The following PCDH9 variants were observed in gnomAD, a reference collection of about 807,000 sequenced individuals.
PCDH9 encodes protocadherin 9, also known as protocadherin-9.
In PCDH9, 24 loss-of-function variants were observed where a neutral mutation model predicts 70.6. The observed-to-expected ratio is 0.34, with a 90% CI of 0.25 to 0.48. The LOEUF (loss-of-function observed/expected upper bound fraction) is 0.48. Ranked by LOEUF, PCDH9 falls within the 20% of genes least tolerant of loss-of-function variation. PCDH9 has a pLI of 0.99. For synonymous variants in PCDH9, 562 were observed against 558.5 expected, an observed-to-expected ratio of 1.01 and a Z score of -0.09; for missense variants, 1,281 against 1,503.6, an observed-to-expected ratio of 0.85 and a Z score of 2.45.
At chr13:66,907,678 CAA>C (rs947258710) in intron 2 of PCDH9, among the ~76,000 whole-genome samples, 3 of 152,140 alleles carry the variant, frequency 2.0e-5, no homozygotes, top group African/African-American at 7.2e-5. Context: ...GCAAGAACAA[CAA>C]AAGTTTTATG....
At chr13:66,320,500 A>C (rs181834568) in intron 4 of PCDH9, among the ~76,000 whole-genome samples, 4 of 152,166 alleles carry the variant, frequency 2.6e-5, no homozygotes, top group Admixed American at 1.3e-4. Flanking sequence ...CAAGATTTAT[A>C]AAGTTAAGCT....
intron 2 of PCDH9, chr13:67,203,753 A>G (rs745354024): frequency 1.3e-5 from 2 of 152,144 alleles, no homozygotes; most frequent in Non-Finnish European, 2.9e-5. Flanking sequence ...CAAATTATGT[A>G]TAAATATGTG....
intron 3 of PCDH9, among the ~76,000 whole-genome samples, chr13:66,900,043 A>T (rs1348304459): frequency 6.6e-6 from 1 of 151,914 alleles, no homozygotes; most frequent in Non-Finnish European, 1.5e-5. Context: ...AAGCTACTCA[A>T]TCGCTGTTAT....
chr13:67,136,495 T>C (rs1357992490), intron 2 of PCDH9, among the ~76,000 whole-genome samples: 1 of 152,148 alleles, frequency 6.6e-6, no homozygotes, highest in East Asian at 1.9e-4. Context: ...GGTGGTCCTT[T>C]GAGTTTGTTG....
chr13:66,432,731 A>G (rs1957794916), intron 4 of PCDH9, among the ~76,000 whole-genome samples: 1 of 151,996 alleles, frequency 6.6e-6, no homozygotes, highest in South Asian at 2.1e-4. Flanking sequence ...GACTAAAGAC[A>G]TGGAAGATAG....
chr13:66,985,076 C>T lies in PCDH9; in HGVS notation c.3037-81471G>A, dbSNP rs183294674. 4.7e-3 allele frequency among the ~76,000 whole-genome samples: 712 copies of T among 152,206 alleles called. 6 individuals carry two copies. Among genetic ancestry groups the T allele is most frequent in the Middle Eastern group, 6.8e-3 (2 of 294 alleles). Reference sequence around the variant, plus strand: ...GGATCATTTGGAACACAATTCAGCTCTCATCCTCCATTAAATTGTACCTCA... The same window carrying T: ...GGATCATTTGGAACACAATTCAGCTTTCATCCTCCATTAAATTGTACCTCA... On this transcript the variant is annotated intron_variant, in intron 2 of 4. Coordinates refer to ENST00000377865, the MANE Select transcript of PCDH9 (RefSeq NM_203487.3).
At position 66,970,857 on chromosome 13, in the gene PCDH9, A is replaced by G. The variant is rs372740882; in HGVS notation, c.3037-67252T>C. ...ACTGAGGGCATCTGTTTATTTATTT[A>G]TCTTTTTAACAAAGGGCTAACCTAT... is the stretch of plus-strand genomic sequence containing the variant. On this transcript the variant is annotated intron_variant, in intron 2 of 4. Transcript: ENST00000377865. 3.9e-5 allele frequency among the ~76,000 whole-genome samples: 6 copies of G among 152,082 alleles called. No homozygotes were observed. The East Asian group carries it at 1.2e-3, about 29-fold the overall frequency.
chr13:66,755,342 T>G (rs2079523752), intron 3 of PCDH9, among the ~76,000 whole-genome samples: 1 of 152,182 alleles, frequency 6.6e-6, no homozygotes, highest in South Asian at 2.1e-4. Context: ...AGGACTGTCT[T>G]ATGCTTTTCT....
At chr13:66,426,471 C>T (rs1025015587) in intron 4 of PCDH9, among the ~76,000 whole-genome samples, 26 of 150,422 alleles carry the variant, frequency 1.7e-4, no homozygotes, top group African/African-American at 6.3e-4. Flanking sequence ...TATTATTTGA[C>T]CTTTGAACAA....
intron 4 of PCDH9, among the ~76,000 whole-genome samples, chr13:66,558,870 C>A (rs1593674026): frequency 6.6e-6 from 1 of 152,076 alleles, no homozygotes; most frequent in Admixed American, 6.6e-5. Context: ...TCTAGGATTG[C>A]TTTCAGTTGT....
chr13:66,478,092 A>G (rs1958766078), intron 4 of PCDH9, among the ~76,000 whole-genome samples: 1 of 152,088 alleles, frequency 6.6e-6, no homozygotes, highest in Admixed American at 6.6e-5. Flanking sequence ...AATTCTTTCA[A>G]TATTTTAAAT....
At chr13:66,854,383 G>A (rs548467773) in intron 3 of PCDH9, among the ~76,000 whole-genome samples, 125 of 152,084 alleles carry the variant, frequency 8.2e-4, no homozygotes, top group African/African-American at 2.5e-3. Context: ...TCTCCTAAAT[G>A]GTTCTGAATA....
intron 3 of PCDH9, among the ~76,000 whole-genome samples, chr13:66,730,730 G>A (rs1191722892): frequency 6.8e-6 from 1 of 147,330 alleles, no homozygotes; most frequent in Non-Finnish European, 1.5e-5. Flanking sequence ...CCAGGCTGAA[G>A]TGCAGTGGCA....
intron 4 of PCDH9, among the ~76,000 whole-genome samples, chr13:66,448,544 G>A (rs1191228260): frequency 1.3e-5 from 2 of 152,082 alleles, no homozygotes; most frequent in African/African-American, 4.8e-5. Flanking sequence ...TAGTGTAAAC[G>A]GAAATGTTTG....
intron 2 of PCDH9, among the ~76,000 whole-genome samples, chr13:67,106,620 C>A (rs1172100793): frequency 6.6e-6 from 1 of 152,238 alleles, no homozygotes; most frequent in African/African-American, 2.4e-5. Flanking sequence ...CAGGGCTTTG[C>A]ACTCCGTGGA....
At chr13:67,076,534 G>A (rs144031080) in intron 2 of PCDH9, among the ~76,000 whole-genome samples, 2 of 152,196 alleles carry the variant, frequency 1.3e-5, no homozygotes, top group East Asian at 1.9e-4. Flanking sequence ...GGCCGTGGGA[G>A]GACTAAGTGG....
chr13:67,062,593 A>G (rs2085560113), intron 2 of PCDH9, among the ~76,000 whole-genome samples: 1 of 152,218 alleles, frequency 6.6e-6, no homozygotes, highest in Non-Finnish European at 1.5e-5. Flanking sequence ...AGGAACTATG[A>G]ACAATTGTGT....
intron 2 of PCDH9, among the ~76,000 whole-genome samples, chr13:67,028,128 C>A (rs155014): frequency 0.58 from 85,247 of 146,266 alleles, 25,475 homozygotes; most frequent in East Asian, 0.95. Flanking sequence ...ACATATGTTT[C>A]TTGCGGCACT....
chr13:66,398,259 A>G (rs549340826), intron 4 of PCDH9, among the ~76,000 whole-genome samples: 1 of 152,264 alleles, frequency 6.6e-6, no homozygotes, highest in East Asian at 1.9e-4. Context: ...ATTTTTAGTA[A>G]AGAGTGTAGA....
Sources: allele counts gnomAD v4.1 joint callset (sites outside exome capture counted in the v4.1 genomes callset), GRCh38; gene constraint gnomAD v4.1.1; transcripts MANE v1.5; gene names NCBI Gene and HGNC (gene_info 2026-07-23, HGNC 2026-07-21).